MXRA7: variants seen among roughly 807,000 people sequenced by gnomAD.
MXRA7 encodes matrix remodeling associated 7.
In MXRA7, 18 loss-of-function variants were observed where a neutral mutation model predicts 17.4. The ratio of observed to expected loss-of-function variants is 1.03; its 90% confidence interval spans 0.71 to 1.53. The LOEUF (loss-of-function observed/expected upper bound fraction) is 1.53. Among genes scored for constraint, MXRA7 ranks in the 40% most tolerant of loss-of-function variants. MXRA7 has a pLI of 0.00. For synonymous variants in MXRA7, 70 were observed against 101.7 expected (o/e 0.69, Z 1.87); for missense variants, 141 against 209.3 (o/e 0.67, Z 2.01).
intron 2 of MXRA7, among the ~76,000 whole-genome samples, chr17:76,685,468 G>A (rs1269393443): frequency 6.6e-6 from 1 of 152,196 alleles, no homozygotes; most frequent in African/African-American, 2.4e-5. Context: ...GGTCCTCTCG[G>A]CTACTGAGCT....
At chr17:76,699,366 A>G (rs1278229767) in intron 1 of MXRA7, among the ~76,000 whole-genome samples, 1 of 151,262 alleles carries the variant, frequency 6.6e-6, no homozygotes, top group Non-Finnish European at 1.5e-5. Context: ...GAGTGGTCTC[A>G]AACTCCTGGG....
intron 2 of MXRA7, among the ~76,000 whole-genome samples, chr17:76,686,315 C>T (rs1567979977): frequency 6.6e-6 from 1 of 152,112 alleles, no homozygotes; most frequent in Admixed American, 6.5e-5. Flanking sequence ...CCCGTCTCTA[C>T]TAAAAATACA....
At chr17:76,686,455 G>A (rs569908720) in intron 2 of MXRA7, among the ~76,000 whole-genome samples, 18 of 152,252 alleles carry the variant, frequency 1.2e-4, no homozygotes, top group Middle Eastern at 3.4e-3. Context: ...ACTCCAGCCT[G>A]GGCAATAGAG....
intron 1 of MXRA7, chr17:76,688,807 A>G: frequency 1.6e-6 from 1 of 622,822 alleles, no homozygotes; most frequent in Non-Finnish European, 2.3e-6. Flanking sequence ...TGCCGTGCCC[A>G]TGGGCTCTGT....
intron 2 of MXRA7, among the ~76,000 whole-genome samples, chr17:76,685,368 G>A (rs1420593084): frequency 2.6e-5 from 4 of 152,192 alleles, no homozygotes; most frequent in Non-Finnish European, 5.9e-5. Context: ...CAGAGAGAAA[G>A]CAGTCCTACT....
At chr17:76,701,365 T>G (rs1333714518) in intron 1 of MXRA7, among the ~76,000 whole-genome samples, 7 of 144,534 alleles carry the variant, frequency 4.8e-5, no homozygotes, top group South Asian at 2.3e-4. Flanking sequence ...GTCGGGGGGG[T>G]GGATCCGGGA....
At chr17:76,702,086 T>G (rs1406179237) in intron 1 of MXRA7, among the ~76,000 whole-genome samples, 1 of 151,922 alleles carries the variant, frequency 6.6e-6, no homozygotes, top group Non-Finnish European at 1.5e-5. Flanking sequence ...ATAGAGAAAA[T>G]ATAGGACAGA....
At chr17:76,675,685 T>C (rs944342022), downstream of MXRA7, 1 of 151,950 alleles carries the variant, frequency 6.6e-6, no homozygotes, top group Non-Finnish European at 1.5e-5. Context: ...ACAAAACACA[T>C]TAAAACAATT....
chr17:76,690,016 A>AG lies in MXRA7; in HGVS notation c.343-1841dup, dbSNP rs1387744477. The AG allele has an allele frequency of 2.0e-4, 29 of 148,392 alleles. No individual in the cohort carries two copies. In the East Asian group the frequency reaches 4.9e-3, roughly 25 times the overall value. 9.2% of individuals were successfully genotyped at this position (148,392 alleles called of 1,614,324 possible). A position where few individuals can be genotyped will look rare whatever the true frequency, so the allele number is the denominator to read the frequency against. On this transcript the variant is annotated intron_variant, in intron 1 of 3. Coordinates refer to ENST00000449428, the MANE Select transcript of MXRA7 (RefSeq NM_198530.4). ...CACAGCAAGACTGCATCTTAAAAAAAGAAAAAAAAAAAAAAAGGAGGCGTT... is the reference window on the plus strand; with the variant it reads ...CACAGCAAGACTGCATCTTAAAAAAAGGAAAAAAAAAAAAAAAGGAGGCGTT...
intron 1 of MXRA7, among the ~76,000 whole-genome samples, chr17:76,706,317 A>ACAAGGGCCCACGCTGCCG: frequency 2.0e-5 from 1 of 51,278 alleles, no homozygotes; most frequent in Non-Finnish European, 4.4e-5. Context: ...CCACGCTGCC[A>ACAAGGGCCCACGCTGCCG]TCACAAAGGA....
At chr17:76,682,289 G>A (rs972001918) in intron 3 of MXRA7, among the ~76,000 whole-genome samples, 7 of 152,252 alleles carry the variant, frequency 4.6e-5, no homozygotes, top group South Asian at 4.1e-4. Context: ...GTTAGGGGAC[G>A]TGCAGCTTGT....
chr17:76,675,547 A>C (rs971448092), downstream of MXRA7: 6 of 152,088 alleles, frequency 3.9e-5, no homozygotes, highest in Non-Finnish European at 7.3e-5. Flanking sequence ...GGCGTGCGCT[A>C]CCACGCCTGG....
rs1034929 is a variant in MXRA7, at chr17:76,684,041, C to A, written c.500+1031G>T. 1.3e-4 allele frequency: 108 copies of A among 833,150 alleles called. No individual in the cohort carries two copies. In the African/African-American group the frequency reaches 1.6e-3, roughly 12 times the overall value. 51.6% of individuals were successfully genotyped at this position (833,150 alleles called of 1,614,324 possible). On this transcript the variant is annotated intron_variant, in intron 3 of 3. Transcript: ENST00000449428. ...CCTGGCTGTGCTTACACTGCCCGCC[C>A]CCCACCCACCCAGGGTGAAGAGCTT... is the stretch of plus-strand genomic sequence containing the variant.
chr17:76,702,394 G>C (rs2076600410), intron 1 of MXRA7, among the ~76,000 whole-genome samples: 1 of 152,164 alleles, frequency 6.6e-6, no homozygotes, highest in Non-Finnish European at 1.5e-5. Flanking sequence ...TGTAGTCCCA[G>C]CTACTTAGGA....
At chr17:76,693,347 T>C (rs979800975) in intron 1 of MXRA7, among the ~76,000 whole-genome samples, 1 of 151,772 alleles carries the variant, frequency 6.6e-6, no homozygotes, top group Non-Finnish European at 1.5e-5. Flanking sequence ...GCACGACTGC[T>C]TCAGCTACTT....
At chr17:76,688,444 G>T (rs2076433645) in intron 1 of MXRA7, 4 of 1,358,748 alleles carry the variant, frequency 2.9e-6, no homozygotes, top group Admixed American at 3.5e-5. Flanking sequence ...TTCCCAGGTG[G>T]GTGCCTGTTG....
At chr17:76,686,276 C>G (rs982951402) in intron 2 of MXRA7, among the ~76,000 whole-genome samples, 1 of 152,120 alleles carries the variant, frequency 6.6e-6, no homozygotes, top group African/African-American at 2.4e-5. Context: ...GCCAGGAGTT[C>G]GAGACCAACC....
chr17:76,676,259 A>C (rs2076240495), downstream of MXRA7: 1 of 152,198 alleles, frequency 6.6e-6, no homozygotes, highest in Admixed American at 6.5e-5. Context: ...GAAGATAGGG[A>C]CCAAGTTGAG....
intron 1 of MXRA7, among the ~76,000 whole-genome samples, chr17:76,707,705 C>T (rs969112463): frequency 9.9e-5 from 15 of 152,134 alleles, no homozygotes; most frequent in African/African-American, 1.9e-4. Context: ...TGACCCTTGA[C>T]GCTTTGCCAA....
Sources: gnomAD v4.1 joint callset for allele counts (sites outside exome capture counted in the v4.1 genomes callset) on GRCh38, gnomAD v4.1.1 for gene constraint, MANE v1.5 for transcripts, NCBI Gene and HGNC (gene_info 2026-07-23, HGNC 2026-07-21) for gene names.